The following C12orf42 variants were observed in gnomAD, a reference collection of about 807,000 sequenced individuals.
C12orf42 encodes the protein uncharacterized protein C12orf42.
C12orf42 carries 25 observed loss-of-function variants against 21.6 expected under a neutral mutation model. The observed-to-expected ratio is 1.16, with a 90% CI of 0.84 to 1.62. The LOEUF (loss-of-function observed/expected upper bound fraction) is 1.62. Ranked by LOEUF, C12orf42 falls within the 40% of genes most tolerant of loss-of-function variation. C12orf42 has a pLI of 0.00. For synonymous variants in C12orf42, 174 were observed against 175.0 expected, an observed-to-expected ratio of 0.99 and a Z score of 0.05; for missense variants, 483 against 459.3, an observed-to-expected ratio of 1.05 and a Z score of -0.47.
At chr12:103,290,772 C>CATTTTTAAGAATTCTATTAA (rs1347468507) in intron 4 of C12orf42, among the ~76,000 whole-genome samples, 1 of 152,022 alleles carries the variant, frequency 6.6e-6, no homozygotes, top group African/African-American at 2.4e-5. Context: ...GTGTTAATTC[C>CATTTTTAAGAATTCTATTAA]ATGCACGCTA....
chr12:103,148,200 T>C, the C12orf42 span, among the ~76,000 whole-genome samples: 1 of 152,188 alleles, frequency 6.6e-6, no homozygotes, highest in African/African-American at 2.4e-5. Context: ...CAAGTTTATG[T>C]GTGGGTCTAC....
Position 103,302,018 on chromosome 12 carries a change from A to C in C12orf42, c.*90T>G. 1 of 1,361,586 alleles carries C rather than the reference A, an allele frequency of 7.3e-7. No individual in the cohort carries two copies. Among genetic ancestry groups the C allele is most frequent in the Non-Finnish European group, 1.0e-6 (1 of 992,072 alleles). 84.3% of individuals were successfully genotyped at this position (1,361,586 alleles called of 1,614,324 possible). On this transcript the variant is annotated 3_prime_UTR_variant, in exon 6 of 6. Transcript: ENST00000548883. The stretch of plus-strand genomic sequence containing the variant: ...CAAAAGCCTAACAATGGTTCTGTGG[A>C]AACCAGTACATCTGAGGCCCTTTCT...
chr12:103,194,645 T>C, the C12orf42 span, among the ~76,000 whole-genome samples: 3 of 152,062 alleles, frequency 2.0e-5, no homozygotes, highest in Admixed American at 6.6e-5. Context: ...AAAATCATAA[T>C]ACAAACACTT....
intron 4 of C12orf42, among the ~76,000 whole-genome samples, chr12:103,352,329 G>A (rs1412294139): frequency 6.6e-6 from 1 of 152,136 alleles, no homozygotes; most frequent in Non-Finnish European, 1.5e-5. Context: ...GTGCAGGATA[G>A]AGACTATGAA....
In C12orf42 at chr12:103,396,062, CTAT is replaced by C. The variant is rs536319365; in HGVS notation, c.147+5542_147+5544del. ...ACTATATATAATATACATATATCAA[CTAT>C]TATGTTATAACTTTTGTTATATTAT... On this transcript the variant is annotated intron_variant, in intron 3 of 5. Coordinates refer to ENST00000548883, the MANE Select transcript of C12orf42 (RefSeq NM_198521.5). Among the ~76,000 whole-genome samples the C allele has an allele frequency of 7.2e-4, 108 of 149,346 alleles. 2 individuals carry two copies. The highest frequency in any genetic ancestry group is 2.5e-3 in the African/African-American group (101 of 40,914).
intron 4 of C12orf42, among the ~76,000 whole-genome samples, chr12:103,334,514 G>A (rs2041517044): frequency 6.6e-6 from 1 of 152,014 alleles, no homozygotes; most frequent in African/African-American, 2.4e-5. Context: ...ATTACGCTGT[G>A]GCTTTATAAA....
At chr12:103,560,916 T>C in the C12orf42 span, among the ~76,000 whole-genome samples, 1 of 152,230 alleles carries the variant, frequency 6.6e-6, no homozygotes, top group Non-Finnish European at 1.5e-5. Flanking sequence ...ATAGCATATC[T>C]AGGCGTCACT....
chr12:103,137,605 A>G, the C12orf42 span, among the ~76,000 whole-genome samples: 845 of 152,364 alleles, frequency 5.5e-3, 8 homozygotes, highest in South Asian at 0.027. Flanking sequence ...ACAATAGCAA[A>G]GACATGAAAT....
chr12:103,338,525 C>A (rs137874450), intron 4 of C12orf42, among the ~76,000 whole-genome samples: 1 of 152,356 alleles, frequency 6.6e-6, no homozygotes, highest in East Asian at 1.9e-4. Context: ...AGTGTTTTCC[C>A]GGCCACTTGC....
the C12orf42 span, among the ~76,000 whole-genome samples, chr12:103,552,031 CCT>C: frequency 6.9e-6 from 1 of 145,880 alleles, no homozygotes; most frequent in East Asian, 2.1e-4. Flanking sequence ...GATATGTTGA[CCT>C]TTTTTTTTTA....
the C12orf42 span, among the ~76,000 whole-genome samples, chr12:103,165,591 C>T: frequency 6.6e-6 from 1 of 152,070 alleles, no homozygotes; most frequent in African/African-American, 2.4e-5. Flanking sequence ...TCCTGTTTTT[C>T]TTTAACAAAT....
At chr12:103,420,103 A>G (rs1367590220) in intron 2 of C12orf42, among the ~76,000 whole-genome samples, 1 of 152,176 alleles carries the variant, frequency 6.6e-6, no homozygotes, top group Non-Finnish European at 1.5e-5. Context: ...GAAAAGTTGT[A>G]TTGTCCTTCA....
intron 4 of C12orf42, among the ~76,000 whole-genome samples, chr12:103,277,997 A>C (rs1184772310): frequency 6.6e-6 from 1 of 152,206 alleles, no homozygotes. Context: ...CATGGATAGA[A>C]TATTGAAAGA....
At chr12:103,128,276 G>A in the C12orf42 span, among the ~76,000 whole-genome samples, 1 of 152,156 alleles carries the variant, frequency 6.6e-6, no homozygotes, top group South Asian at 2.1e-4. Flanking sequence ...AAGGGAAGGG[G>A]GAAGAAAGAA....
intron 2 of C12orf42, among the ~76,000 whole-genome samples, chr12:103,433,448 G>A (rs1335131390): frequency 2.0e-5 from 3 of 152,178 alleles, no homozygotes; most frequent in African/African-American, 7.2e-5. Context: ...TAGATATTAT[G>A]TGCCTCATAA....
In C12orf42 at chr12:103,367,345, A is replaced by T. The variant is rs556197033; in HGVS notation, c.259+1542T>A. 4.6e-5 allele frequency among the ~76,000 whole-genome samples: 7 copies of T among 151,998 alleles called. No individual in the cohort carries two copies. In the East Asian group the frequency reaches 1.4e-3, roughly 30 times the overall value. On this transcript the variant is annotated intron_variant, in intron 4 of 5. Coordinates refer to ENST00000548883, the MANE Select transcript of C12orf42 (RefSeq NM_198521.5). ...AAAGGCTACAAATTGGGTTCAGTGT[A>T]TAATACTCTGATGATGGGTGCACCA...
At chr12:103,341,785 GA>G (rs2042193921) in intron 4 of C12orf42, among the ~76,000 whole-genome samples, 2 of 152,006 alleles carry the variant, frequency 1.3e-5, no homozygotes, top group Non-Finnish European at 2.9e-5. Flanking sequence ...TAAAAACATA[GA>G]AAAAGAAAGC....
At chr12:103,284,031 T>C (rs1319183933) in intron 4 of C12orf42, among the ~76,000 whole-genome samples, 1 of 152,198 alleles carries the variant, frequency 6.6e-6, no homozygotes, top group Non-Finnish European at 1.5e-5. Context: ...TCTGGGATGA[T>C]AAAAAATTTT....
chr12:103,301,226 A>G (rs1015235328), downstream of C12orf42, among the ~76,000 whole-genome samples: 1 of 152,218 alleles, frequency 6.6e-6, no homozygotes, highest in African/African-American at 2.4e-5. Flanking sequence ...GACAACCTCC[A>G]TCTATCAAAC....
Sources: allele counts gnomAD v4.1 joint callset (sites outside exome capture counted in the v4.1 genomes callset), GRCh38; gene constraint gnomAD v4.1.1; transcripts MANE v1.5; gene names NCBI Gene and HGNC (gene_info 2026-07-23, HGNC 2026-07-21).